The following MOV10 variants were observed in gnomAD, a reference collection of about 807,000 sequenced individuals.
MOV10 encodes Mov10 RNA helicase.
In MOV10, 39 loss-of-function variants were observed where a neutral mutation model predicts 108.4. The ratio of observed to expected loss-of-function variants is 0.36; its 90% CI spans 0.28 to 0.47. MOV10 has a LOEUF of 0.47. MOV10 is among the 20% of genes least tolerant of loss of function. The pLI is 1.00. For synonymous variants in MOV10, 490 were observed against 523.1 expected (o/e 0.94, Z 0.86); for missense variants, 952 against 1,297.6 (o/e 0.73, Z 4.09).
At chr1:112,693,947 G>A (rs959438938) in intron 7 of MOV10, 71 bp from the exon 8 acceptor site, 9 of 1,479,484 alleles carry the variant, frequency 6.1e-6, no homozygotes. Flanking sequence ...TAAAGGTCTG[G>A]GGAACCTGGG....
At position 112,691,683 on chromosome 1, in the gene MOV10, G is replaced by T. The variant is rs1673598614; in HGVS notation, c.855G>T (p.Leu285=). Residue 285 remains leucine, a synonymous_variant, in exon 6 of 21, where the codon CTG becomes CTT. Transcript: ENST00000369645. The part of the protein sequence containing the change: ...ERPDRAKGYD[L]ELSMALGTYY... ...TCTGCAGCGCTAAGGGCTATGACCT[G>T]GAGTTAAGTATGGCGCTGGGGACAT... The T allele has an allele frequency of 1.9e-6, 3 of 1,614,112 alleles. No individual in the cohort carries two copies. The East Asian group carries it at 6.7e-5, about 36-fold the overall frequency.
rs919506867 is a variant in MOV10 at position 112,696,094 on chromosome 1, C to T, written c.1780-54C>T. 1.1e-5 allele frequency: 13 copies of T among 1,218,748 alleles called. No homozygotes were observed. In the Admixed American group the frequency reaches 1.1e-4, roughly 10 times the overall value. 75.5% of individuals were successfully genotyped at this position (1,218,748 alleles called of 1,614,324 possible). A position where few individuals can be genotyped will look rare whatever the true frequency, so the allele number is the denominator to read the frequency against. On this transcript the variant is annotated intron_variant, in intron 11 of 20. Coordinates refer to ENST00000369645, the MANE Select transcript of MOV10 (RefSeq NM_001321324.2). ...GGGGGGGTACCCACAGCCAGAATCA[C>T]GGTGGGAATGAGTGGAGCCAAGCTG...
At chr1:112,686,904 T>G (rs899568291) in intron 2 of MOV10, 3 of 456,366 alleles carry the variant, frequency 6.6e-6, no homozygotes, top group African/African-American at 2.0e-5. Context: ...TGCTCAGGCC[T>G]TTGTTATCTT....
intron 17 of MOV10, chr1:112,699,109 C>G (rs1674382931): frequency 5.7e-5 from 20 of 351,992 alleles, no homozygotes; most frequent in South Asian, 5.0e-4. Flanking sequence ...CCAGTAGCCT[C>G]TCTCTTAAGG....
intron 2 of MOV10, among the ~76,000 whole-genome samples, chr1:112,678,888 T>TA (rs1247492721): frequency 6.6e-6 from 1 of 152,058 alleles, no homozygotes; most frequent in African/African-American, 2.4e-5. Context: ...CTACCCACAG[T>TA]AAAAAACACA....
rs1673979850 is a variant in MOV10, at chr1:112,695,434, A to G, written c.1639A>G (p.Lys547Glu). Reference protein sequence around the residue: ...AIKQVVKHLPKAHILACAPSN... With the variant: ...AIKQVVKHLPEAHILACAPSN... ...ATCTCAGGTGGTGAAGCACTTGCCC[A>G]AAGCCCACATCTTGGCCTGCGCTCC... The change falls in exon 11 of 21, where the codon AAA (lysine) becomes GAA (glutamate). Residue 547 changes from lysine (K) to glutamate (E), a missense_variant. This residue lies in a region of MOV10 where 453 missense variants were observed against 611.5 expected (regional missense o/e 0.74). Coordinates refer to ENST00000369645, the MANE Select transcript of MOV10 (RefSeq NM_001321324.2). The G allele has an allele frequency of 1.2e-6, 2 of 1,614,144 alleles. No homozygotes were observed. The highest frequency in any genetic ancestry group is 2.2e-5 in the South Asian group (2 of 91,082).
rs1674579290 is a variant in MOV10, at chr1:112,700,719, A to G, written c.*212A>G. On this transcript the variant is annotated 3_prime_UTR_variant, in exon 21 of 21. Coordinates refer to ENST00000369645, the MANE Select transcript of MOV10 (RefSeq NM_001321324.2). ...GGGGAAGGAAGAAAACTCTGAAAAC[A>G]AAATCTTGTTCTATGCAAAAGCCTT... The G allele has an allele frequency of 7.2e-6, 11 of 1,518,362 alleles. No homozygotes were observed. Among genetic ancestry groups the G allele is most frequent in the Non-Finnish European group, 8.8e-6 (10 of 1,139,820 alleles). The allele number at this position is 1,518,362 out of a possible 1,614,324, so 94.1% of individuals were successfully genotyped here. A position where few individuals can be genotyped will look rare whatever the true frequency, so the allele number is the denominator to read the frequency against.
intron 2 of MOV10, among the ~76,000 whole-genome samples, chr1:112,678,545 T>C (rs1672375664): frequency 6.6e-6 from 1 of 152,058 alleles, no homozygotes; most frequent in South Asian, 2.1e-4. Context: ...TGTCCTAGTC[T>C]AGCAACCTAG....
intron 12 of MOV10, 74 bp downstream of exon 12, chr1:112,696,325 AG>A: frequency 1.4e-6 from 2 of 1,442,730 alleles, no homozygotes; most frequent in South Asian, 2.3e-5. Context: ...GAAATGGGGA[AG>A]AATGGTTTCC....
rs757439589 is a variant in MOV10, at chr1:112,674,944, G to T, written c.32G>T (p.Arg11Leu). The change falls in exon 2 of 21, where the codon CGG (arginine) becomes CTG (leucine). Residue 11 changes from arginine to leucine, a missense_variant. Arg to Leu is a moderately radical substitution (Grantham distance 102, BLOSUM62 -2). Coordinates refer to ENST00000369645, the MANE Select transcript of MOV10 (RefSeq NM_001321324.2). The stretch of plus-strand genomic sequence containing the variant: ...AGTAAGTTCAGCTGCCGGCAGCTCC[G>T]GGAGGCGGGCCAGTGTTTCGAGAGT... MPSKFSCRQL[R>L]EAGQCFESFL... 6 of 1,583,468 alleles carry T rather than the reference G, an allele frequency of 3.8e-6. No individual in the cohort carries two copies. The South Asian group carries it at 6.8e-5, about 18-fold the overall frequency.
chr1:112,682,259 C>T (rs1011001811), intron 2 of MOV10, among the ~76,000 whole-genome samples: 4 of 152,008 alleles, frequency 2.6e-5, no homozygotes, highest in Non-Finnish European at 5.9e-5. Context: ...GGTCTTGCTC[C>T]GTTGTCAAGA....
intron 10 of MOV10, 99 bp from the exon 11 acceptor site, chr1:112,695,317 C>A: frequency 8.1e-7 from 1 of 1,238,288 alleles, no homozygotes; most frequent in East Asian, 2.3e-5. Context: ...CTTGGAGTCA[C>A]CATTCACATT....
Position 112,700,530 on chromosome 1 carries a change from G to GC in MOV10, c.*24dup. 2 of 1,608,844 alleles carry GC rather than the reference G, an allele frequency of 1.2e-6. No homozygotes were observed. Among genetic ancestry groups the GC allele is most frequent in the Non-Finnish European group, 1.7e-6 (2 of 1,177,532 alleles). On this transcript the variant is annotated 3_prime_UTR_variant, in exon 21 of 21. Transcript: ENST00000369645. ...TGAAGACACAGCACCCAGCCTTCTCGCACCAGCCAAGCCTTAACTGCCTGC... is the reference window on the plus strand; with the variant it reads ...TGAAGACACAGCACCCAGCCTTCTCGCCACCAGCCAAGCCTTAACTGCCTGC...
At chr1:112,683,063 G>A (rs1488009294) in intron 2 of MOV10, among the ~76,000 whole-genome samples, 1 of 151,778 alleles carries the variant, frequency 6.6e-6, no homozygotes, top group Non-Finnish European at 1.5e-5. Context: ...GGGATTACAG[G>A]TGCCTGCCAC....
chr1:112,677,977 G>T (rs191253246), intron 2 of MOV10, among the ~76,000 whole-genome samples: 3 of 152,206 alleles, frequency 2.0e-5, no homozygotes, highest in Admixed American at 2.0e-4. Context: ...TGCCTCCAAA[G>T]AATATAATCT....
chr1:112,694,390 C>G lies in MOV10; in HGVS notation c.1296-63C>G. The G allele has an allele frequency of 1.3e-6, 2 of 1,596,284 alleles. No individual in the cohort carries two copies. The highest frequency in any genetic ancestry group is 1.1e-5 in the South Asian group (1 of 89,936). ...GGGACACTGGTTGGTGGAGAAAGTT[C>G]TGGCCCTTTATTGCCCACCTCCCCT... On this transcript the variant is annotated intron_variant, in intron 8 of 20. Transcript: ENST00000369645. This position sits in a 1 kb window ranked among gnomAD's most constrained non-coding sequence, Gnocchi z 4.1.
chr1:112,694,453 C>T lies in MOV10; in HGVS notation c.1296C>T (p.Ser432=). Residue 432 remains serine (S), a splice_region_variant and synonymous_variant, in exon 9 of 21, where the codon AGC becomes AGT. Transcript: ENST00000369645. The surrounding 1 kb of genome is among the most constrained non-coding windows in gnomAD (Gnocchi z 4.1). ...TCTTACCACCTCTCTCTGCCCAAAG[C>T]CTCCTGAGCCGCTTTGTGGATGGGC... ...LDRVKLSFSM[S]LLSRFVDGLT... 6.2e-7 allele frequency: 1 copy of T among 1,614,014 alleles called. No homozygotes were observed. Among genetic ancestry groups the T allele is most frequent in the South Asian group, 1.1e-5 (1 of 91,080 alleles).
intron 2 of MOV10, among the ~76,000 whole-genome samples, chr1:112,684,336 C>G (rs1444601606): frequency 7.0e-6 from 1 of 143,352 alleles, no homozygotes; most frequent in Non-Finnish European, 1.5e-5. Flanking sequence ...GGCGCGAACT[C>G]AGCTCACTGC....
chr1:112,693,080 C>T (rs1673732236), intron 7 of MOV10, 151 bp downstream of exon 7: 2 of 719,468 alleles, frequency 2.8e-6, no homozygotes, highest in Non-Finnish European at 4.5e-6. Flanking sequence ...CATCCTGTGC[C>T]CAAAGATGTG....
Sources: gnomAD v4.1 joint callset for allele counts (sites outside exome capture counted in the v4.1 genomes callset) on GRCh38, gnomAD v4.1.1 for gene constraint, gnomAD v4.1.1 regional missense constraint, Gnocchi (gnomAD v3.1) non-coding constraint, MANE v1.5 for transcripts, NCBI Gene and HGNC (gene_info 2026-07-23, HGNC 2026-07-21) for gene names.